Variants in TCTA observed in about 807,000 individuals in gnomAD.
TCTA encodes the protein T-cell leukemia translocation-altered gene protein.
Under a neutral mutation model 13.5 loss-of-function variants are expected in TCTA, and 13 were observed. The observed-to-expected ratio is 0.96, with a 90% CI of 0.63 to 1.53. The LOEUF is 1.53. Ranked by LOEUF, TCTA falls within the 40% of genes most tolerant of loss-of-function variation. The pLI is 0.00. For synonymous variants in TCTA, 58 were observed against 59.0 expected, an observed-to-expected ratio of 0.98 and a Z score of 0.08; for missense variants, 138 against 131.3, an observed-to-expected ratio of 1.05 and a Z score of -0.25.
At chr3:49,412,927 C>T in intron 1 of TCTA, 129 bp from the exon 2 acceptor site, 5 of 915,550 alleles carry the variant, frequency 5.5e-6, no homozygotes, top group Non-Finnish European at 8.5e-6. Flanking sequence ...CTGGCAATAC[C>T]ATTAGTCCCT....
chr3:49,412,991 G>A lies in TCTA; in HGVS notation c.215-65G>A, dbSNP rs2048967905. 3 of 1,560,278 alleles carry A rather than the reference G, an allele frequency of 1.9e-6. No homozygotes were observed. In the South Asian group the frequency reaches 3.4e-5, roughly 18 times the overall value. On this transcript the variant is annotated intron_variant, in intron 1 of 2. Coordinates refer to ENST00000273590, the MANE Select transcript of TCTA (RefSeq NM_022171.3). ...ATACCAGTGGTCTCTAACCTGACCTGGGCTGATGCCTGCTCAGATTCCCAC... is the reference window on the plus strand; with the variant it reads ...ATACCAGTGGTCTCTAACCTGACCTAGGCTGATGCCTGCTCAGATTCCCAC...
chr3:49,416,254 T>C lies in TCTA; in HGVS notation c.*1392T>C. 6.2e-6 allele frequency: 1 copy of C among 162,008 alleles called. No homozygotes were observed. The highest frequency in any genetic ancestry group is 1.4e-5 in the Non-Finnish European group (1 of 72,924). The allele number at this position is 162,008 out of a possible 1,614,324, so 10.0% of individuals were successfully genotyped here. ...CCATCTGCTGGGCCACCAGCCACTT[T>C]AGTGACCCCTGCCTACTTCCTTCCT... On this transcript the variant is annotated 3_prime_UTR_variant, in exon 3 of 3. Transcript: ENST00000273590.
Position 49,412,603 on chromosome 3 carries a change from C to G in TCTA, c.177C>G (p.Phe59Leu), listed in dbSNP as rs1559525509. The part of the protein sequence containing the change: ...SLLGIQLAWG[F>L]YGNTVTGLYH... ...TGGGCATCCAGCTGGCGTGGGGGTT[C>G]TACGGGAATACAGTGACCGGGTTGT... The change falls in exon 1 of 3, where the codon TTC becomes TTG. Residue 59 changes from phenylalanine to leucine, a missense_variant. Coordinates refer to ENST00000273590, the MANE Select transcript of TCTA (RefSeq NM_022171.3). 4 of 1,614,224 alleles carry G rather than the reference C, an allele frequency of 2.5e-6. No homozygotes were observed. The highest frequency in any genetic ancestry group is 3.4e-6 in the Non-Finnish European group (4 of 1,180,036).
chr3:49,412,558 G>A lies in TCTA; in HGVS notation c.132G>A (p.Leu44=), dbSNP rs1445019166. The part of the protein sequence containing the change: ...MRVTLFKLLL[L]WLVLSLLGIQ... ...TGACCCTCTTCAAGCTGCTGCTGCTGTGGTTGGTGTTAAGTCTCCTGGGCA... is the reference window on the plus strand; with the variant it reads ...TGACCCTCTTCAAGCTGCTGCTGCTATGGTTGGTGTTAAGTCTCCTGGGCA... The change falls in exon 1 of 3, where the codon CTG becomes CTA. Residue 44 remains leucine, a synonymous_variant. Coordinates refer to ENST00000273590, the MANE Select transcript of TCTA (RefSeq NM_022171.3). 4 of 1,614,142 alleles carry A rather than the reference G, an allele frequency of 2.5e-6. No homozygotes were observed. The East Asian group carries it at 6.7e-5, about 27-fold the overall frequency.
Position 49,415,856 on chromosome 3 carries a change from A to T in TCTA, c.*994A>T, listed in dbSNP as rs930109554. 2.0e-5 allele frequency: 3 copies of T among 152,202 alleles called. No homozygotes were observed. Among genetic ancestry groups the T allele is most frequent in the African/African-American group, 7.2e-5 (3 of 41,426 alleles). 9.4% of individuals were successfully genotyped at this position (152,202 alleles called of 1,614,324 possible). On this transcript the variant is annotated 3_prime_UTR_variant, in exon 3 of 3. Transcript: ENST00000273590. ...ATTCCTCTCAGTCCTTCTTGGGGGT[A>T]AGCTGATTACCTGAAGGACAGCTGA...
chr3:49,413,003 G>A, intron 1 of TCTA, 53 bp from the exon 2 acceptor site: 2 of 1,595,466 alleles, frequency 1.3e-6, no homozygotes, highest in Non-Finnish European at 8.6e-7. Context: ...GCTGATGCCT[G>A]CTCAGATTCC....
rs1291882491 is a variant in TCTA, at chr3:49,416,450, A to T, written c.*1588A>T. The T allele has an allele frequency of 3.4e-6, 1 of 298,146 alleles. No individual in the cohort carries two copies. The highest frequency in any genetic ancestry group is 2.2e-5 in the African/African-American group (1 of 46,040). 18.5% of individuals were successfully genotyped at this position (298,146 alleles called of 1,614,324 possible). ...CATTTCACCCCAGGCTCAACTGAGGATGTGGCTTATTAAACACGGAAGTGC... is the reference window on the plus strand; with the variant it reads ...CATTTCACCCCAGGCTCAACTGAGGTTGTGGCTTATTAAACACGGAAGTGC... On this transcript the variant is annotated 3_prime_UTR_variant, in exon 3 of 3. Coordinates refer to ENST00000273590, the MANE Select transcript of TCTA (RefSeq NM_022171.3).
At position 49,413,739 on chromosome 3, in the gene TCTA, G is replaced by A. The variant is rs370534844; in HGVS notation, c.269+629G>A. The stretch of plus-strand genomic sequence containing the variant: ...GAGCAAGGCTAAGAGGGAAGAATAC[G>A]GGTGACATATTAGAATAGGTAAGAC... On this transcript the variant is annotated intron_variant, in intron 2 of 2. Transcript: ENST00000273590. Among the ~76,000 whole-genome samples, 5 of 152,178 alleles carry A rather than the reference G, an allele frequency of 3.3e-5. No homozygotes were observed. The East Asian group carries it at 7.7e-4, about 23-fold the overall frequency.
At chr3:49,413,365 G>A in intron 2 of TCTA, 5 of 544,780 alleles carry the variant, frequency 9.2e-6, no homozygotes, top group South Asian at 8.7e-5. Context: ...TGAAATGACA[G>A]GTTTGTTGGA....
rs748768655 is a variant in TCTA at position 49,412,622 on chromosome 3, G to A, written c.196G>A (p.Gly66Arg). Reference sequence around the variant, plus strand: ...GGGGTTCTACGGGAATACAGTGACCGGGTTGTATCACCGTCCAGGTGAGGC... The same window carrying A: ...GGGGTTCTACGGGAATACAGTGACCAGGTTGTATCACCGTCCAGGTGAGGC... Reference protein sequence around the residue: ...AWGFYGNTVTGLYHRPGLGGQ... With the variant: ...AWGFYGNTVTRLYHRPGLGGQ... Residue 66 changes from glycine (G) to arginine (R), a missense_variant, in exon 1 of 3, where the codon GGG becomes AGG. Transcript: ENST00000273590. 1.9e-5 allele frequency: 30 copies of A among 1,614,062 alleles called. No homozygotes were observed. The highest frequency in any genetic ancestry group is 1.3e-4 in the East Asian group (6 of 44,876).
rs747301059 is a variant in TCTA at position 49,414,994 on chromosome 3, C to T, written c.*132C>T. 9 of 1,090,328 alleles carry T rather than the reference C, an allele frequency of 8.3e-6. No homozygotes were observed. Among genetic ancestry groups the T allele is most frequent in the Non-Finnish European group, 1.2e-5 (9 of 743,294 alleles). 67.5% of individuals were successfully genotyped at this position (1,090,328 alleles called of 1,614,324 possible). On this transcript the variant is annotated 3_prime_UTR_variant, in exon 3 of 3. Coordinates refer to ENST00000273590, the MANE Select transcript of TCTA (RefSeq NM_022171.3). Reference sequence around the variant, plus strand: ...GGTAGCAGGGAGTACCCAGTGCCTACAGGGCTGGGCCTCTTCTGCCTCTTA... The same window carrying T: ...GGTAGCAGGGAGTACCCAGTGCCTATAGGGCTGGGCCTCTTCTGCCTCTTA...
At position 49,413,111 on chromosome 3, in the gene TCTA, G is replaced by C; in HGVS notation, c.269+1G>C. On this transcript the variant is annotated splice_donor_variant, in intron 2 of 2. Transcript: ENST00000273590. LOFTEE classifies it high-confidence loss of function. The stretch of plus-strand genomic sequence containing the variant: ...ATGGCTCCACGCATTTCCCTTCGTG[G>C]TGAGTAAATCTGTCCATACCGCAAC... 6.2e-7 allele frequency: 1 copy of C among 1,614,188 alleles called. No homozygotes were observed. The highest frequency in any genetic ancestry group is 8.5e-7 in the Non-Finnish European group (1 of 1,180,034).
In TCTA at chr3:49,413,083, C is replaced by A; in HGVS notation, c.242C>A (p.Pro81His). Residue 81 changes from proline (P) to histidine (H), a missense_variant, in exon 2 of 3, where the codon CCT becomes CAT. Coordinates refer to ENST00000273590, the MANE Select transcript of TCTA (RefSeq NM_022171.3). ...PGLGGQNGST[P>H]DGSTHFPSWE... ...CTGGGTGGTCAGAATGGATCCACGC[C>A]TGATGGCTCCACGCATTTCCCTTCG... is the stretch of plus-strand genomic sequence containing the variant. 6.2e-7 allele frequency: 1 copy of A among 1,614,222 alleles called. No homozygotes were observed. Among genetic ancestry groups the A allele is most frequent in the Non-Finnish European group, 8.5e-7 (1 of 1,180,036 alleles).
chr3:49,413,081 G>A lies in TCTA; in HGVS notation c.240G>A (p.Thr80=), dbSNP rs542556038. The change falls in exon 2 of 3, where the codon ACG becomes ACA. Residue 80 remains threonine (T), a synonymous_variant. Coordinates refer to ENST00000273590, the MANE Select transcript of TCTA (RefSeq NM_022171.3). Reference sequence around the variant, plus strand: ...GTCTGGGTGGTCAGAATGGATCCACGCCTGATGGCTCCACGCATTTCCCTT... The same window carrying A: ...GTCTGGGTGGTCAGAATGGATCCACACCTGATGGCTCCACGCATTTCCCTT... ...RPGLGGQNGS[T]PDGSTHFPSW... is the part of the protein sequence containing the mutation. 6.2e-7 allele frequency: 1 copy of A among 1,614,144 alleles called. No individual in the cohort carries two copies. The highest frequency in any genetic ancestry group is 1.3e-5 in the African/African-American group (1 of 75,036).
At position 49,415,082 on chromosome 3, in the gene TCTA, C is replaced by T; in HGVS notation, c.*220C>T. 3.7e-6 allele frequency: 2 copies of T among 546,854 alleles called. No homozygotes were observed. Among genetic ancestry groups the T allele is most frequent in the Non-Finnish European group, 6.5e-6 (2 of 306,738 alleles). The allele number at this position is 546,854 out of a possible 1,614,324, so 33.9% of individuals were successfully genotyped here. On this transcript the variant is annotated 3_prime_UTR_variant, in exon 3 of 3. Transcript: ENST00000273590. The stretch of plus-strand genomic sequence containing the variant: ...GTTTGCCTGTACTCTTATCTGGGTG[C>T]CTTAAGGAGAGAGATTGTGTTCTTC...
chr3:49,413,395 C>T, intron 2 of TCTA: 1 of 453,658 alleles, frequency 2.2e-6, no homozygotes. Context: ...GCACAATCCC[C>T]TCAGTTGGGA....
At position 49,414,909 on chromosome 3, in the gene TCTA, T is replaced by C. The variant is rs1436672599; in HGVS notation, c.*47T>C. ...CAAGGGCATCACTGGGTCTGCTGGCTTCTACACTGGGTTCTGCTACTCCCC... is the reference window on the plus strand; with the variant it reads ...CAAGGGCATCACTGGGTCTGCTGGCCTCTACACTGGGTTCTGCTACTCCCC... On this transcript the variant is annotated 3_prime_UTR_variant, in exon 3 of 3. Transcript: ENST00000273590. 3.1e-6 allele frequency: 5 copies of C among 1,612,250 alleles called. 1 individual carries two copies. Among genetic ancestry groups the C allele is most frequent in the Non-Finnish European group, 4.2e-6 (5 of 1,178,694 alleles).
intron 1 of TCTA, 41 bp downstream of exon 1, chr3:49,412,681 C>A: frequency 6.3e-7 from 1 of 1,595,884 alleles, no homozygotes. Flanking sequence ...GCCGCCCCCG[C>A]CCCCACCCTC....
chr3:49,413,246 G>A (rs1216096786), intron 2 of TCTA, 136 bp downstream of exon 2: 23 of 925,368 alleles, frequency 2.5e-5, no homozygotes, highest in Non-Finnish European at 3.7e-5. Context: ...AAGTCTGCAC[G>A]TAGAGCTCAG....
Sources: allele counts gnomAD v4.1 joint callset (sites outside exome capture counted in the v4.1 genomes callset), GRCh38; gene constraint gnomAD v4.1.1; transcripts MANE v1.5; gene names NCBI Gene and HGNC (gene_info 2026-07-23, HGNC 2026-07-21).